Variants in ERP29 observed in about 807,000 individuals in gnomAD.
ERP29 encodes endoplasmic reticulum resident protein 29.
A neutral mutation model predicts 21.7 loss-of-function variants in ERP29; 14 were observed. The ratio of observed to expected loss-of-function variants is 0.64; its 90% CI spans 0.43 to 1.01. The LOEUF (loss-of-function observed/expected upper bound fraction) is 1.01. Ranked by LOEUF, ERP29 falls within the 50% of genes least tolerant of loss-of-function variation. The pLI, the probability that ERP29 is intolerant of heterozygous loss-of-function variation, is 0.00. For synonymous variants in ERP29, 129 were observed against 139.1 expected, an observed-to-expected ratio of 0.93 and a Z score of 0.51; for missense variants, 286 against 327.3, an observed-to-expected ratio of 0.87 and a Z score of 0.97.
intron 1 of ERP29, chr12:112,014,445 C>G (rs2077983892): frequency 6.6e-6 from 1 of 152,254 alleles, no homozygotes; most frequent in African/African-American, 2.4e-5. Flanking sequence ...AAGTTGTCTT[C>G]CATGAAACCA....
At chr12:112,016,739 A>G (rs184737984) in intron 1 of ERP29, among the ~76,000 whole-genome samples, 9 of 152,228 alleles carry the variant, frequency 5.9e-5, no homozygotes, top group Non-Finnish European at 1.2e-4. Context: ...AAATACAAAA[A>G]AATTAGCCGG....
At chr12:112,022,006 A>G in intron 2 of ERP29, 144 bp from the exon 3 acceptor site, 2 of 708,156 alleles carry the variant, frequency 2.8e-6, no homozygotes, top group Non-Finnish European at 4.7e-6. Context: ...GAATTCAAAC[A>G]CAGGTCTGTA....
intron 2 of ERP29, among the ~76,000 whole-genome samples, chr12:112,021,124 A>T (rs1344178796): frequency 6.6e-6 from 1 of 152,218 alleles, no homozygotes; most frequent in African/African-American, 2.4e-5. Context: ...TATCACGCAC[A>T]TATTCCCTCA....
intron 2 of ERP29, among the ~76,000 whole-genome samples, chr12:112,020,999 A>G (rs1203102575): frequency 2.0e-5 from 3 of 152,218 alleles, no homozygotes; most frequent in Non-Finnish European, 4.4e-5. Context: ...TTCTCGGCAA[A>G]GTGTAAGAAA....
Position 112,020,087 on chromosome 12 carries a change from G to A in ERP29, c.283+193G>A, listed in dbSNP as rs754572374. ...AACCTGAGCAGATTTTGGGACCATG[G>A]AATCTAAGCTCAGCTGTACAGGTGC... On this transcript the variant is annotated intron_variant, in intron 2 of 2. Coordinates refer to ENST00000261735, the MANE Select transcript of ERP29 (RefSeq NM_006817.4). Among the ~76,000 whole-genome samples, 6 of 152,248 alleles carry A rather than the reference G, an allele frequency of 3.9e-5. No homozygotes were observed. The South Asian group carries it at 8.3e-4, about 21-fold the overall frequency.
At chr12:112,016,570 T>C (rs1355357566) in intron 1 of ERP29, among the ~76,000 whole-genome samples, 2 of 152,176 alleles carry the variant, frequency 1.3e-5, no homozygotes, top group South Asian at 2.1e-4. Flanking sequence ...CACTAGCCCA[T>C]TGGACACCAA....
At position 112,013,446 on chromosome 12, in the gene ERP29, C is replaced by T. The variant is rs1031904328; in HGVS notation, c.-20C>T. ...TCTCCACTATCGCTTACCTACCTCC[C>T]TCTGCAGGAACCCGGCGATATGGCT... On this transcript the variant is annotated 5_prime_UTR_variant, in exon 1 of 3. Coordinates refer to ENST00000261735, the MANE Select transcript of ERP29 (RefSeq NM_006817.4). 1.2e-6 allele frequency: 2 copies of T among 1,603,536 alleles called. No individual in the cohort carries two copies. Among genetic ancestry groups the T allele is most frequent in the Non-Finnish European group, 1.7e-6 (2 of 1,174,938 alleles).
At chr12:112,019,323 A>G (rs1397320287) in intron 1 of ERP29, 1 of 253,232 alleles carries the variant, frequency 3.9e-6, no homozygotes, top group African/African-American at 2.3e-5. Context: ...AGCGTCCTCC[A>G]TGATGCCAAC....
At chr12:112,015,184 CAAAAA>C (rs58875310) in intron 1 of ERP29, 4 of 110,206 alleles carry the variant, frequency 3.6e-5, no homozygotes, top group Non-Finnish European at 5.7e-5. Context: ...TACTCCGTCT[CAAAAA>C]AAAAAAAAAA....
intron 1 of ERP29, among the ~76,000 whole-genome samples, chr12:112,017,737 C>G (rs1424361322): frequency 6.6e-6 from 1 of 151,170 alleles, no homozygotes. Context: ...GACATCAGTA[C>G]ACTGTAAAGG....
chr12:112,019,794 C>T lies in ERP29; in HGVS notation c.183C>T (p.Asp61=). Residue 61 remains aspartate (D), a synonymous_variant, in exon 2 of 3, where the codon GAC becomes GAT. Transcript: ENST00000261735. ...GCAAGTTCGTCTTGGTGAAGTTCGA[C>T]ACCCAGTACCCCTACGGTGAGAAGC... ...PKSKFVLVKF[D]TQYPYGEKQD... 2 of 1,614,126 alleles carry T rather than the reference C, an allele frequency of 1.2e-6. No homozygotes were observed. The highest frequency in any genetic ancestry group is 2.2e-5 in the South Asian group (2 of 91,064).
At chr12:112,021,783 C>A (rs1186294624) in intron 2 of ERP29, among the ~76,000 whole-genome samples, 1 of 152,056 alleles carries the variant, frequency 6.6e-6, no homozygotes, top group Non-Finnish European at 1.5e-5. Flanking sequence ...GCCTCGGCCT[C>A]CCAAAGTGCT....
Position 112,022,192 on chromosome 12 carries a change from A to G in ERP29, c.326A>G (p.Lys109Arg), listed in dbSNP as rs2078051574. Residue 109 changes from lysine (K) to arginine (R), a missense_variant, in exon 3 of 3, where the codon AAG (lysine) becomes AGG (arginine). Coordinates refer to ENST00000261735, the MANE Select transcript of ERP29 (RefSeq NM_006817.4). ...AACATGGAGCTGAGTGAGAAATACA[A>G]GCTGGACAAAGAGAGCTACCCAGTC... ...KLNMELSEKY[K>R]LDKESYPVFY... is the part of the protein sequence containing the mutation. 4 of 1,614,214 alleles carry G rather than the reference A, an allele frequency of 2.5e-6. No homozygotes were observed. The highest frequency in any genetic ancestry group is 8.5e-7 in the Non-Finnish European group (1 of 1,180,030).
intron 1 of ERP29, 194 bp from the exon 2 acceptor site, chr12:112,019,562 T>A: frequency 1.5e-6 from 1 of 651,604 alleles, no homozygotes; most frequent in Non-Finnish European, 2.8e-6. Context: ...ACTAATGGGG[T>A]GCCCTGCATG....
chr12:112,022,516 C>T lies in ERP29; in HGVS notation c.650C>T (p.Pro217Leu), dbSNP rs754704655. Reference protein sequence around the residue: ...GKILDQGEDFPASEMTRIARL... With the variant: ...GKILDQGEDFLASEMTRIARL... ...ATCTTAGACCAAGGGGAGGACTTCC[C>T]AGCATCAGAGATGACACGGATCGCC... is the stretch of plus-strand genomic sequence containing the variant. Residue 217 changes from proline to leucine, a missense_variant, in exon 3 of 3, where the codon CCA becomes CTA. Physicochemically the swap from Pro to Leu is moderately conservative, Grantham distance 98. Transcript: ENST00000261735. 6.2e-7 allele frequency: 1 copy of T among 1,614,128 alleles called. No homozygotes were observed. The highest frequency in any genetic ancestry group is 8.5e-7 in the Non-Finnish European group (1 of 1,180,014).
Position 112,022,696 on chromosome 12 carries a change from G to A in ERP29, c.*44G>A. The A allele has an allele frequency of 5.8e-6, 9 of 1,554,816 alleles. No individual in the cohort carries two copies. The highest frequency in any genetic ancestry group is 7.8e-6 in the Non-Finnish European group (9 of 1,154,106). On this transcript the variant is annotated 3_prime_UTR_variant, in exon 3 of 3. Coordinates refer to ENST00000261735, the MANE Select transcript of ERP29 (RefSeq NM_006817.4). ...TCCAGGGTTTGGTGGGGGTAGGGAGGGGAGAGTTAACCTGCTGGCTGTGAG... is the reference window on the plus strand; with the variant it reads ...TCCAGGGTTTGGTGGGGGTAGGGAGAGGAGAGTTAACCTGCTGGCTGTGAG...
At chr12:112,021,513 GTCTTT>G (rs2078045187) in intron 2 of ERP29, among the ~76,000 whole-genome samples, 1 of 100,640 alleles carries the variant, frequency 9.9e-6, no homozygotes, top group Admixed American at 9.9e-5. Flanking sequence ...GAGCTTAATA[GTCTTT>G]TTTTTTTTTT....
intron 1 of ERP29, among the ~76,000 whole-genome samples, chr12:112,017,783 CTTTTTTTTTTTTT>C (rs1179680378): frequency 8.1e-6 from 1 of 124,138 alleles, no homozygotes; most frequent in African/African-American, 3.2e-5. Context: ...CTTTTTTTTT[CTTTTTTTTTTTTT>C]TTTTTGAGGT....
intron 1 of ERP29, among the ~76,000 whole-genome samples, chr12:112,016,681 G>C (rs187516654): frequency 1.3e-5 from 2 of 152,280 alleles, no homozygotes; most frequent in East Asian, 1.9e-4. Context: ...ACAAGTTCAG[G>C]AGATCGAGGT....
Sources: allele counts gnomAD v4.1 joint callset (sites outside exome capture counted in the v4.1 genomes callset), GRCh38; gene constraint gnomAD v4.1.1; transcripts MANE v1.5; gene names NCBI Gene and HGNC (gene_info 2026-07-23, HGNC 2026-07-21).